PPP1R12B: variants seen among roughly 807,000 people sequenced by gnomAD.
PPP1R12B encodes the protein protein phosphatase 1 regulatory subunit 12B.
PPP1R12B carries 76 observed loss-of-function variants against 126.1 expected under a neutral mutation model. That is an observed-to-expected ratio of 0.60 (90% CI 0.50 to 0.73). PPP1R12B has a LOEUF of 0.73. Among genes scored for constraint, PPP1R12B ranks in the 30% least tolerant of loss-of-function variants. The pLI, the probability that PPP1R12B is intolerant of heterozygous loss-of-function variation, is 0.00. For missense variants in PPP1R12B, 1,052 were observed against 1,205.1 expected (o/e 0.87, Z 1.88); for synonymous variants, 356 against 434.7 (o/e 0.82, Z 2.25).
chr1:202,381,406 G>GTATGTGTGTGTGTGTGTGTGTA (rs796804138), intron 1 of PPP1R12B, among the ~76,000 whole-genome samples: 3 of 136,376 alleles, frequency 2.2e-5, no homozygotes, highest in Admixed American at 7.2e-5. Context: ...GGGTGTGTGT[G>GTATGTGTGTGTGTGTGTGTGTA]TGTGTGTGTG....
At chr1:202,372,281 A>G (rs1415958984) in intron 1 of PPP1R12B, among the ~76,000 whole-genome samples, 2 of 151,872 alleles carry the variant, frequency 1.3e-5, no homozygotes, top group African/African-American at 2.4e-5. Context: ...AAGTGGGTGG[A>G]TTGCTTGAAT....
chr1:202,433,381 C>T (rs1670417882), intron 8 of PPP1R12B, among the ~76,000 whole-genome samples: 1 of 152,170 alleles, frequency 6.6e-6, no homozygotes. Context: ...CAGGTCTTCA[C>T]ATTGCTATTG....
intron 13 of PPP1R12B, among the ~76,000 whole-genome samples, chr1:202,454,666 G>A (rs1673394867): frequency 2.0e-5 from 3 of 152,168 alleles, no homozygotes; most frequent in Admixed American, 1.3e-4. Flanking sequence ...AGGTATGGTA[G>A]CTCACACCTG....
chr1:202,443,380 T>A (rs1044209477), intron 12 of PPP1R12B, among the ~76,000 whole-genome samples: 3 of 152,252 alleles, frequency 2.0e-5, no homozygotes, highest in African/African-American at 4.8e-5. Flanking sequence ...ATTGGTTGGC[T>A]ACCTTAGAAA....
At chr1:202,491,617 C>A (rs1370455712) in intron 14 of PPP1R12B, among the ~76,000 whole-genome samples, 10 of 151,930 alleles carry the variant, frequency 6.6e-5, no homozygotes, top group Non-Finnish European at 1.5e-4. Flanking sequence ...GGAATGATTT[C>A]AAGTTTGTTT....
At chr1:202,563,539 A>C (rs986272463) in intron 20 of PPP1R12B, among the ~76,000 whole-genome samples, 2 of 151,794 alleles carry the variant, frequency 1.3e-5, no homozygotes, top group Admixed American at 6.6e-5. Flanking sequence ...TGAGCCCCTG[A>C]GAATCATTTG....
At chr1:202,409,816 G>GT (rs1422296489) in intron 1 of PPP1R12B, among the ~76,000 whole-genome samples, 4 of 151,914 alleles carry the variant, frequency 2.6e-5, no homozygotes, top group Non-Finnish European at 5.9e-5. Context: ...GGCCTATTTT[G>GT]TTTTTTTGAT....
intron 18 of PPP1R12B, among the ~76,000 whole-genome samples, chr1:202,523,268 A>C (rs1405138702): frequency 1.3e-5 from 2 of 152,228 alleles, no homozygotes; most frequent in Non-Finnish European, 2.9e-5. Context: ...GCAGACAATA[A>C]ACAACAAACA....
intron 23 of PPP1R12B, among the ~76,000 whole-genome samples, chr1:202,569,771 C>G (rs369359228): frequency 1.3e-5 from 2 of 152,326 alleles, no homozygotes; most frequent in East Asian, 3.9e-4. Context: ...CTCATGCCAC[C>G]AGATACACTT....
intron 1 of PPP1R12B, among the ~76,000 whole-genome samples, chr1:202,358,662 A>G (rs1657570334): frequency 6.7e-6 from 1 of 149,962 alleles, no homozygotes; most frequent in Non-Finnish European, 1.5e-5. Flanking sequence ...AGCCTGGGTG[A>G]CAGAGCGAGA....
At chr1:202,454,401 T>A (rs1673361872) in intron 13 of PPP1R12B, among the ~76,000 whole-genome samples, 1 of 152,234 alleles carries the variant, frequency 6.6e-6, no homozygotes, top group South Asian at 2.1e-4. Flanking sequence ...ACTCATTCAC[T>A]GGATATGTTC....
rs1209591460 is a variant in PPP1R12B at position 202,582,001 on chromosome 1, C to T, written c.*1441C>T. 6.6e-6 allele frequency: 1 copy of T among 152,126 alleles called. No homozygotes were observed. The highest frequency in any genetic ancestry group is 1.5e-5 in the Non-Finnish European group (1 of 68,036). The allele number at this position is 152,126 out of a possible 1,614,324, so 9.4% of individuals were successfully genotyped here. On this transcript the variant is annotated 3_prime_UTR_variant, in exon 24 of 24. Transcript: ENST00000608999. ...TCACCCATGGGCATGGTCAGGTAGC[C>T]TCTGGTGGCTATGCATTTATTACTC...
intron 1 of PPP1R12B, among the ~76,000 whole-genome samples, chr1:202,382,644 AG>A (rs970784609): frequency 1.3e-5 from 2 of 151,844 alleles, no homozygotes; most frequent in African/African-American, 4.8e-5. Flanking sequence ...TGGGAGGCTG[AG>A]GGGGGTGGAT....
At chr1:202,387,047 A>C (rs576732446) in intron 1 of PPP1R12B, among the ~76,000 whole-genome samples, 1 of 152,230 alleles carries the variant, frequency 6.6e-6, no homozygotes, top group Admixed American at 6.5e-5. Flanking sequence ...ATTGATGTTT[A>C]TATTTGCATG....
chr1:202,422,596 T>C (rs745452440), intron 2 of PPP1R12B, 24 bp from the exon 3 acceptor site: 1 of 1,606,206 alleles, frequency 6.2e-7, no homozygotes, highest in Non-Finnish European at 8.5e-7. Context: ...CAGATAATAT[T>C]GATCCTGGAT....
At chr1:202,553,374 G>T (rs191981766) in intron 18 of PPP1R12B, among the ~76,000 whole-genome samples, 43 of 152,194 alleles carry the variant, frequency 2.8e-4, no homozygotes, top group Admixed American at 2.6e-3. Context: ...CATTTTAGTG[G>T]CCATCATTTG....
chr1:202,455,193 C>CATAT (rs199970579), intron 13 of PPP1R12B, among the ~76,000 whole-genome samples: 2 of 124,566 alleles, frequency 1.6e-5, no homozygotes, highest in East Asian at 7.6e-4. Flanking sequence ...GAGCTATATA[C>CATAT]ATATATATAT....
intron 23 of PPP1R12B, among the ~76,000 whole-genome samples, chr1:202,579,205 A>G (rs1218126692): frequency 6.6e-6 from 1 of 152,184 alleles, no homozygotes; most frequent in Admixed American, 6.5e-5. Flanking sequence ...AATTTAACCT[A>G]TATCTTCTCT....
At chr1:202,521,755 A>G (rs1189275047) in intron 18 of PPP1R12B, among the ~76,000 whole-genome samples, 1 of 152,180 alleles carries the variant, frequency 6.6e-6, no homozygotes, top group East Asian at 1.9e-4. Context: ...TAGGAGTTGC[A>G]AAGGAGAAAA....
Sources: allele counts gnomAD v4.1 joint callset (sites outside exome capture counted in the v4.1 genomes callset), GRCh38; gene constraint gnomAD v4.1.1; transcripts MANE v1.5; gene names NCBI Gene and HGNC (gene_info 2026-07-23, HGNC 2026-07-21).